The following PKDREJ variants were observed in gnomAD, a reference collection of about 807,000 sequenced individuals.
PKDREJ encodes the protein polycystin family receptor for egg jelly, also known as PKD and REJ homolog.
For missense variants in PKDREJ, 2,507 were observed against 2,807.2 expected (o/e 0.89, Z 2.42); for synonymous variants, 1,031 against 1,095.5 (o/e 0.94, Z 1.16).
Position 46,262,998 on chromosome 22 carries a change from C to T in PKDREJ, c.325G>A (p.Ala109Thr). The T allele has an allele frequency of 8.0e-7, 1 of 1,242,712 alleles. No individual in the cohort carries two copies. Among genetic ancestry groups the T allele is most frequent in the Admixed American group, 4.0e-5 (1 of 24,916 alleles). The allele number at this position is 1,242,712 out of a possible 1,614,324, so 77.0% of individuals were successfully genotyped here. A position where few individuals can be genotyped will look rare whatever the true frequency, so the allele number is the denominator to read the frequency against. The part of the protein sequence containing the change: ...AQRLPWPAAP[A>T]LALVDLQLSA... Reference sequence around the variant, plus strand: ...AGCTGCAGGTCGACGAGCGCGAGCGCGGGCGCGGCCGGCCAGGGCAGGCGT... The same window carrying T: ...AGCTGCAGGTCGACGAGCGCGAGCGTGGGCGCGGCCGGCCAGGGCAGGCGT... Residue 109 changes from alanine to threonine, a missense_variant, in exon 1 of 1, where the codon GCG becomes ACG. Ala to Thr is a moderately conservative substitution (Grantham distance 58, BLOSUM62 0). Coordinates refer to ENST00000253255, the MANE Select transcript of PKDREJ (RefSeq NM_006071.2). The surrounding 1 kb of genome is among the most constrained non-coding windows in gnomAD (Gnocchi z 8.1).
chr22:46,261,786 T>A lies in PKDREJ; in HGVS notation c.1537A>T (p.Thr513Ser), dbSNP rs780411667. The stretch of plus-strand genomic sequence containing the variant: ...GACAGATAAGCACCATTCCTTCCTG[T>A]TACAGTTTCCCCCATCCAATCAAAT... ...MLFDWMGETV[T>S]GRNGAYLSIK... Residue 513 changes from threonine to serine, a missense_variant, in exon 1 of 1, where the codon ACA becomes TCA. Transcript: ENST00000253255. The surrounding 1 kb of genome is among the most constrained non-coding windows in gnomAD (Gnocchi z 7.1). 1 of 1,613,946 alleles carries A rather than the reference T, an allele frequency of 6.2e-7. No individual in the cohort carries two copies. The highest frequency in any genetic ancestry group is 2.2e-5 in the East Asian group (1 of 44,900).
Position 46,257,486 on chromosome 22 carries a change from C to T in PKDREJ, c.5837G>A (p.Ser1946Asn), listed in dbSNP as rs948739559. ...AAGTGAAAAAGAGTGCAGAGATATG[C>T]TTGTGTTGACAACTCCTAACTGAGA... Reference protein sequence around the residue: ...EVSQLGVVNTSISLHSFSLAD... With the variant: ...EVSQLGVVNTNISLHSFSLAD... Residue 1946 changes from serine to asparagine, a missense_variant, in exon 1 of 1, where the codon AGC becomes AAC. Physicochemically the swap from Ser to Asn is conservative, Grantham distance 46 (BLOSUM62 1). Coordinates refer to ENST00000253255, the MANE Select transcript of PKDREJ (RefSeq NM_006071.2). The surrounding 1 kb of genome is among the most constrained non-coding windows in gnomAD (Gnocchi z 4.7). 5.0e-6 allele frequency: 8 copies of T among 1,613,964 alleles called. No homozygotes were observed. Among genetic ancestry groups the T allele is most frequent in the Non-Finnish European group, 6.8e-6 (8 of 1,180,020 alleles).
In PKDREJ at chr22:46,257,768, C is replaced by G. The variant is rs753605120; in HGVS notation, c.5555G>C (p.Ser1852Thr). The G allele has an allele frequency of 1.2e-6, 2 of 1,614,108 alleles. No individual in the cohort carries two copies. The highest frequency in any genetic ancestry group is 1.7e-6 in the Non-Finnish European group (2 of 1,179,960). ...AGGCTTATAAGTAAATCCATTGGTA[C>G]TCTCATCTATAGCCTGCTTATCAAC... ...NEVDKQAIDE[S>T]TNGFTYKPQG... Residue 1852 changes from serine (S) to threonine (T), a missense_variant, in exon 1 of 1, where the codon AGT (serine) becomes ACT (threonine). By Grantham distance (58) the Ser-to-Thr change is moderately conservative. Coordinates refer to ENST00000253255, the MANE Select transcript of PKDREJ (RefSeq NM_006071.2). This position sits in a 1 kb window ranked among gnomAD's most constrained non-coding sequence, Gnocchi z 4.7.
In PKDREJ at chr22:46,260,175, C is replaced by G; in HGVS notation, c.3148G>C (p.Val1050Leu). 2 of 1,614,150 alleles carry G rather than the reference C, an allele frequency of 1.2e-6. No homozygotes were observed. Among genetic ancestry groups the G allele is most frequent in the Non-Finnish European group, 1.7e-6 (2 of 1,180,028 alleles). Residue 1050 changes from valine (V) to leucine (L), a missense_variant, in exon 1 of 1, where the codon GTG becomes CTG. By Grantham distance (32) the Val-to-Leu change is conservative. Transcript: ENST00000253255. The surrounding 1 kb of genome is among the most constrained non-coding windows in gnomAD (Gnocchi z 4.5). ...QSALFDPACT[V>L]KKARVVCLPV... Reference sequence around the variant, plus strand: ...AGGCAGACTACACGGGCCTTCTTCACTGTGCAGGCTGGGTCAAACAGGGCA... The same window carrying G: ...AGGCAGACTACACGGGCCTTCTTCAGTGTGCAGGCTGGGTCAAACAGGGCA...
At position 46,259,002 on chromosome 22, in the gene PKDREJ, G is replaced by A. The variant is rs1380527221; in HGVS notation, c.4321C>T (p.Gln1441Ter). ...IESVLITIPV[Q>*]LLITFLFTCS... Reference sequence around the variant, plus strand: ...GTGAACAAAAAAGTTATTAATAATTGCACAGGGATTGTAATTAAGACACTT... The same window carrying A: ...GTGAACAAAAAAGTTATTAATAATTACACAGGGATTGTAATTAAGACACTT... Residue 1441 changes from glutamine (Q) to a stop codon, truncating the protein, a stop_gained, in exon 1 of 1, where the codon CAA becomes TAA. Transcript: ENST00000253255. LOFTEE classifies it low-confidence loss of function (END_TRUNC). This position sits in a 1 kb window ranked among gnomAD's most constrained non-coding sequence, Gnocchi z 6.8. The A allele has an allele frequency of 6.2e-7, 1 of 1,613,764 alleles. No individual in the cohort carries two copies. The highest frequency in any genetic ancestry group is 8.5e-7 in the Non-Finnish European group (1 of 1,179,804).
In PKDREJ at chr22:46,258,301, A is replaced by G; in HGVS notation, c.5022T>C (p.His1674=). ...TGCCTCGGATTCGGACGATCTGGTCATGTATCCTCTGCATTTCTTCTGGAT... is the reference window on the plus strand; with the variant it reads ...TGCCTCGGATTCGGACGATCTGGTCGTGTATCCTCTGCATTTCTTCTGGAT... ...RMHPEEMQRI[H]DQIVRIRGTR... The change falls in exon 1 of 1, where the codon CAT becomes CAC. Residue 1674 remains histidine, a synonymous_variant. Coordinates refer to ENST00000253255, the MANE Select transcript of PKDREJ (RefSeq NM_006071.2). The surrounding 1 kb of genome is among the most constrained non-coding windows in gnomAD (Gnocchi z 6.1). The G allele has an allele frequency of 6.2e-7, 1 of 1,614,216 alleles. No homozygotes were observed. Among genetic ancestry groups the G allele is most frequent in the Non-Finnish European group, 8.5e-7 (1 of 1,180,040 alleles).
At position 46,256,972 on chromosome 22, in the gene PKDREJ, G is replaced by A. The variant is rs1232319956; in HGVS notation, c.6351C>T (p.Asn2117=). The A allele has an allele frequency of 1.2e-6, 2 of 1,613,898 alleles. No homozygotes were observed. Among genetic ancestry groups the A allele is most frequent in the Non-Finnish European group, 1.7e-6 (2 of 1,179,998 alleles). Residue 2117 remains asparagine (N), a synonymous_variant, in exon 1 of 1, where the codon AAC becomes AAT. Coordinates refer to ENST00000253255, the MANE Select transcript of PKDREJ (RefSeq NM_006071.2). The surrounding 1 kb of genome is among the most constrained non-coding windows in gnomAD (Gnocchi z 5.3). ...GYLVFGQHEW[N]YSNLIHSTQT... ...GAGTGGAATGAATCAAGTTACTGTA[G>A]TTCCATTCATGCTGACCAAACACCA...
chr22:46,263,043 G>T lies in PKDREJ; in HGVS notation c.280C>A (p.Arg94Ser). The change falls in exon 1 of 1, where the codon CGC (arginine) becomes AGC (serine). Residue 94 changes from arginine to serine, a missense_variant. Physicochemically the swap from Arg to Ser is moderately radical, Grantham distance 110. Transcript: ENST00000253255. The surrounding 1 kb of genome is among the most constrained non-coding windows in gnomAD (Gnocchi z 9.4). ...TGRRWYCLDL[R>S]VLLSAQRLPW... ...AGGCGTTGGGCGCTGAGCAGGACGC[G>T]CAAGTCGAGGCAGTACCAGCGCCGC... 7.5e-7 allele frequency: 1 copy of T among 1,327,914 alleles called. No homozygotes were observed. Among genetic ancestry groups the T allele is most frequent in the South Asian group, 1.5e-5 (1 of 66,282 alleles). The allele number at this position is 1,327,914 out of a possible 1,614,324, so 82.3% of individuals were successfully genotyped here.
rs1569270857 is a variant in PKDREJ at position 46,259,836 on chromosome 22, C to A, written c.3487G>T (p.Val1163Leu). Residue 1163 changes from valine (V) to leucine (L), a missense_variant, in exon 1 of 1, where the codon GTG becomes TTG. By Grantham distance (32) the Val-to-Leu change is conservative. Coordinates refer to ENST00000253255, the MANE Select transcript of PKDREJ (RefSeq NM_006071.2). The surrounding 1 kb of genome is among the most constrained non-coding windows in gnomAD (Gnocchi z 6.8). ...HLHTHYVMAKVIVIPNPVDLR... is the reference protein window; with the variant it reads ...HLHTHYVMAKLIVIPNPVDLR... The stretch of plus-strand genomic sequence containing the variant: ...TCCACAGGATTAGGGATCACAATCA[C>A]CTTGGCCATCACATAGTGGGTATGC... The A allele has an allele frequency of 6.2e-7, 1 of 1,613,638 alleles. No individual in the cohort carries two copies. Among genetic ancestry groups the A allele is most frequent in the Non-Finnish European group, 8.5e-7 (1 of 1,180,026 alleles).
In PKDREJ at chr22:46,259,413, C is replaced by T. The variant is rs971147424; in HGVS notation, c.3910G>A (p.Gly1304Ser). ...CTTAAATACCAGCTAGGCGATCGAC[C>T]CTCGTTGTTGTGCCACACACGGATG... is the stretch of plus-strand genomic sequence containing the variant. ...HSIRVWHNNE[G>S]RSPSWYLSRI... The change falls in exon 1 of 1, where the codon GGT (glycine) becomes AGT (serine). Residue 1304 changes from glycine to serine, a missense_variant. By Grantham distance (56) the Gly-to-Ser change is moderately conservative. Coordinates refer to ENST00000253255, the MANE Select transcript of PKDREJ (RefSeq NM_006071.2). The surrounding 1 kb of genome is among the most constrained non-coding windows in gnomAD (Gnocchi z 6.8). 5 of 1,614,180 alleles carry T rather than the reference C, an allele frequency of 3.1e-6. No individual in the cohort carries two copies. Among genetic ancestry groups the T allele is most frequent in the Admixed American group, 1.7e-5 (1 of 60,026 alleles).
rs1044984754 is a variant in PKDREJ, at chr22:46,257,489, G to A, written c.5834C>T (p.Thr1945Ile). Reference sequence around the variant, plus strand: ...TGAAAAAGAGTGCAGAGATATGCTTGTGTTGACAACTCCTAACTGAGAGAC... The same window carrying A: ...TGAAAAAGAGTGCAGAGATATGCTTATGTTGACAACTCCTAACTGAGAGAC... ...FEVSQLGVVNTSISLHSFSLA... is the reference protein window; with the variant it reads ...FEVSQLGVVNISISLHSFSLA... The change falls in exon 1 of 1, where the codon ACA (threonine) becomes ATA (isoleucine). Residue 1945 changes from threonine to isoleucine, a missense_variant. Physicochemically the swap from Thr to Ile is moderately conservative, Grantham distance 89. Transcript: ENST00000253255. This position sits in a 1 kb window ranked among gnomAD's most constrained non-coding sequence, Gnocchi z 4.7. 6.2e-7 allele frequency: 1 copy of A among 1,614,094 alleles called. No individual in the cohort carries two copies. Among genetic ancestry groups the A allele is most frequent in the Non-Finnish European group, 8.5e-7 (1 of 1,180,018 alleles).
In PKDREJ at chr22:46,262,692, G is replaced by C. The variant is rs1936711939; in HGVS notation, c.631C>G (p.Gln211Glu). ...CGCTGGATGACGCAGGCGTTTATCT[G>C]ACAGGACACGGACGACTCGACGGCT... Reference protein sequence around the residue: ...HRAVESSVSCQINACVIQRVR... With the variant: ...HRAVESSVSCEINACVIQRVR... The change falls in exon 1 of 1, where the codon CAG (glutamine) becomes GAG (glutamate). Residue 211 changes from glutamine to glutamate, a missense_variant. Coordinates refer to ENST00000253255, the MANE Select transcript of PKDREJ (RefSeq NM_006071.2). The surrounding 1 kb of genome is among the most constrained non-coding windows in gnomAD (Gnocchi z 8.1). 3 of 1,613,138 alleles carry C rather than the reference G, an allele frequency of 1.9e-6. No homozygotes were observed. The highest frequency in any genetic ancestry group is 2.5e-6 in the Non-Finnish European group (3 of 1,179,772).
chr22:46,257,372 C>T lies in PKDREJ; in HGVS notation c.5951G>A (p.Cys1984Tyr), dbSNP rs1326293794. 6.2e-7 allele frequency: 1 copy of T among 1,614,014 alleles called. No homozygotes were observed. The highest frequency in any genetic ancestry group is 8.5e-7 in the Non-Finnish European group (1 of 1,180,040). The stretch of plus-strand genomic sequence containing the variant: ...GGAGGCTCTTTCTTGCATAATGATA[C>T]AACCCTCATCAACAACGTAGGCTAA... ...FFLAYVVDEG[C>Y]IIMQERASYV... Residue 1984 changes from cysteine to tyrosine, a missense_variant, in exon 1 of 1, where the codon TGT (cysteine) becomes TAT (tyrosine). By Grantham distance (194) the Cys-to-Tyr change is radical. Coordinates refer to ENST00000253255, the MANE Select transcript of PKDREJ (RefSeq NM_006071.2). This position sits in a 1 kb window ranked among gnomAD's most constrained non-coding sequence, Gnocchi z 4.7.
rs1186333888 is a variant in PKDREJ at position 46,260,494 on chromosome 22, T to C, written c.2829A>G (p.Leu943=). Residue 943 remains leucine, a synonymous_variant, in exon 1 of 1, where the codon CTA becomes CTG. Transcript: ENST00000253255. The surrounding 1 kb of genome is among the most constrained non-coding windows in gnomAD (Gnocchi z 4.5). The stretch of plus-strand genomic sequence containing the variant: ...CTTCCGCTACATCAGGTGTGATCTC[T>C]AGCACACTACCGTTATCTGCAACTC... ...MTGVADNGSV[L]EITPDVAEVY... is the part of the protein sequence containing the mutation. 2 of 1,614,100 alleles carry C rather than the reference T, an allele frequency of 1.2e-6. No homozygotes were observed. The highest frequency in any genetic ancestry group is 2.2e-5 in the East Asian group (1 of 44,906).
Position 46,261,786 on chromosome 22 carries a change from T to G in PKDREJ, c.1537A>C (p.Thr513Pro), listed in dbSNP as rs780411667. ...GACAGATAAGCACCATTCCTTCCTG[T>G]TACAGTTTCCCCCATCCAATCAAAT... is the stretch of plus-strand genomic sequence containing the variant. Reference protein sequence around the residue: ...MLFDWMGETVTGRNGAYLSIK... With the variant: ...MLFDWMGETVPGRNGAYLSIK... Residue 513 changes from threonine to proline, a missense_variant, in exon 1 of 1, where the codon ACA becomes CCA. Transcript: ENST00000253255. The surrounding 1 kb of genome is among the most constrained non-coding windows in gnomAD (Gnocchi z 7.1). 2.1e-5 allele frequency: 34 copies of G among 1,613,946 alleles called. No individual in the cohort carries two copies. The highest frequency in any genetic ancestry group is 1.6e-4 in the Middle Eastern group (1 of 6,084).
At position 46,261,390 on chromosome 22, in the gene PKDREJ, AG is replaced by A. The variant is rs1389665730; in HGVS notation, c.1932del (p.Leu645Ter). 1 of 1,614,118 alleles carries A rather than the reference AG, an allele frequency of 6.2e-7. No homozygotes were observed. Among genetic ancestry groups the A allele is most frequent in the Admixed American group, 1.7e-5 (1 of 60,028 alleles). On this transcript the variant is annotated frameshift_variant, in exon 1 of 1. Transcript: ENST00000253255. LOFTEE classifies it low-confidence loss of function (END_TRUNC). This position sits in a 1 kb window ranked among gnomAD's most constrained non-coding sequence, Gnocchi z 7.1. ...LPVGMLASQY[G>X]LKIYAQVYDS... ...TCATAGACCTGGGCATATATCTTCAAGCCATATTGACTAGCCAACATACCAA... is the reference window on the plus strand; with the variant it reads ...TCATAGACCTGGGCATATATCTTCAACCATATTGACTAGCCAACATACCAA...
In PKDREJ at chr22:46,259,417, G is replaced by A. The variant is rs150338973; in HGVS notation, c.3906C>T (p.Asn1302=). ...DIHSIRVWHN[N]EGRSPSWYLS... is the part of the protein sequence containing the mutation. ...AATACCAGCTAGGCGATCGACCCTCGTTGTTGTGCCACACACGGATGGAAT... is the reference window on the plus strand; with the variant it reads ...AATACCAGCTAGGCGATCGACCCTCATTGTTGTGCCACACACGGATGGAAT... The change falls in exon 1 of 1, where the codon AAC becomes AAT. Residue 1302 remains asparagine (N), a synonymous_variant. Transcript: ENST00000253255. The surrounding 1 kb of genome is among the most constrained non-coding windows in gnomAD (Gnocchi z 6.8). 147 of 1,614,164 alleles carry A rather than the reference G, an allele frequency of 9.1e-5. 1 individual carries two copies. In the African/African-American group the frequency reaches 1.2e-3, roughly 13 times the overall value.
In PKDREJ at chr22:46,257,531, A is replaced by G. The variant is rs1211171000; in HGVS notation, c.5792T>C (p.Ile1931Thr). ...CTGAGAGACTTCAAATATGACCGAA[A>G]TGCTACAGAACAGATTTATATCTGG... Reference protein sequence around the residue: ...FNPDINLFCSISVIFEVSQLG... With the variant: ...FNPDINLFCSTSVIFEVSQLG... The change falls in exon 1 of 1, where the codon ATT (isoleucine) becomes ACT (threonine). Residue 1931 changes from isoleucine (I) to threonine (T), a missense_variant. Ile to Thr is a moderately conservative substitution (Grantham distance 89, BLOSUM62 -1). Transcript: ENST00000253255. The surrounding 1 kb of genome is among the most constrained non-coding windows in gnomAD (Gnocchi z 4.7). 4 of 1,614,042 alleles carry G rather than the reference A, an allele frequency of 2.5e-6. No homozygotes were observed. Among genetic ancestry groups the G allele is most frequent in the East Asian group, 2.2e-5 (1 of 44,896 alleles).
In PKDREJ at chr22:46,262,702, G is replaced by T; in HGVS notation, c.621C>A (p.Ser207=). The change falls in exon 1 of 1, where the codon TCC becomes TCA. Residue 207 remains serine, a synonymous_variant. Coordinates refer to ENST00000253255, the MANE Select transcript of PKDREJ (RefSeq NM_006071.2). The surrounding 1 kb of genome is among the most constrained non-coding windows in gnomAD (Gnocchi z 8.1). ...NSSSHRAVES[S]VSCQINACVI... is the part of the protein sequence containing the mutation. ...CGCAGGCGTTTATCTGACAGGACAC[G>T]GACGACTCGACGGCTCTGTGGCTGG... 6.2e-7 allele frequency: 1 copy of T among 1,612,868 alleles called. No homozygotes were observed. Among genetic ancestry groups the T allele is most frequent in the Non-Finnish European group, 8.5e-7 (1 of 1,179,682 alleles).
Sources: gnomAD v4.1 joint callset for allele counts on GRCh38, gnomAD v4.1.1 for gene constraint, Gnocchi (gnomAD v3.1) non-coding constraint, MANE v1.5 for transcripts, NCBI Gene and HGNC (gene_info 2026-07-23, HGNC 2026-07-21) for gene names.